RTL4: variants seen among roughly 807,000 people sequenced by gnomAD.
The protein encoded by RTL4 is retrotransposon Gag-like protein 4.
A neutral mutation model predicts 5.3 loss-of-function variants in RTL4; 4 were observed. The ratio of observed to expected loss-of-function variants is 0.75; its 90% CI spans 0.37 to 1.72. The LOEUF is 1.72. Among genes scored for constraint, RTL4 ranks in the 40% most tolerant of loss-of-function variants. RTL4 has a pLI of 0.04. For synonymous variants in RTL4, 98 were observed against 87.3 expected (o/e 1.12, Z -0.68); for missense variants, 260 against 227.1 (o/e 1.14, Z -0.93).
chrX:112,257,517 A>C, the RTL4 span, among the ~76,000 whole-genome samples: 1 of 111,148 alleles, frequency 9.0e-6, no homozygotes, highest in Non-Finnish European at 1.9e-5. Context: ...GTAATTTATA[A>C]ATGACAGAAA....
chrX:112,147,731 G>A, the RTL4 span, among the ~76,000 whole-genome samples: 4 of 112,056 alleles, frequency 3.6e-5, no homozygotes, highest in East Asian at 2.8e-4. Flanking sequence ...TTGACGTCAC[G>A]AGTTCAAGAC....
chrX:112,244,638 C>G, the RTL4 span, among the ~76,000 whole-genome samples: 2 of 111,763 alleles, frequency 1.8e-5, no homozygotes, highest in Non-Finnish European at 3.8e-5. Context: ...TGGGTCTTGA[C>G]TCTTTATCCA....
chrX:112,373,101 C>T, the RTL4 span, among the ~76,000 whole-genome samples: 23,124 of 110,768 alleles, frequency 0.21, 1,853 homozygotes, highest in Admixed American at 0.32. Context: ...CTCTCAACAA[C>T]GGACATTCTT....
At chrX:112,120,206 C>T in the RTL4 span, among the ~76,000 whole-genome samples, 18,933 of 111,741 alleles carry the variant, frequency 0.17, 2,457 homozygotes, top group African/African-American at 0.45. Context: ...GAAATAGTTT[C>T]AGGTGGAAAA....
At chrX:112,455,663 A>G in exon 1 of RTL4, 1 of 1,190,222 alleles carries the variant, frequency 8.4e-7, no homozygotes, top group Non-Finnish European at 1.1e-6. Context: ...CACCAGTAAG[A>G]GGAGACCAGG....
the RTL4 span, among the ~76,000 whole-genome samples, chrX:112,130,788 T>TG: frequency 1.0e-5 from 1 of 98,344 alleles, no homozygotes. Flanking sequence ...CTTATGGGTG[T>TG]GGGTTTTTTT....
chrX:112,309,237 C>A, the RTL4 span, among the ~76,000 whole-genome samples: 2 of 110,867 alleles, frequency 1.8e-5, no homozygotes, highest in Non-Finnish European at 3.8e-5. Context: ...GGTCTTTCTT[C>A]TTAGCTTGCA....
the RTL4 span, among the ~76,000 whole-genome samples, chrX:112,177,038 T>C: frequency 1.8e-5 from 2 of 110,941 alleles, no homozygotes; most frequent in African/African-American, 6.6e-5. Context: ...ACTGTTTATA[T>C]ATACTATGGT....
At chrX:112,321,583 C>A in the RTL4 span, among the ~76,000 whole-genome samples, 7 of 99,849 alleles carry the variant, frequency 7.0e-5, no homozygotes, top group African/African-American at 2.7e-4. Flanking sequence ...AGAAGAAAGA[C>A]AGACAGACAG....
the RTL4 span, among the ~76,000 whole-genome samples, chrX:112,396,709 A>G: frequency 9.1e-6 from 1 of 110,292 alleles, no homozygotes; most frequent in South Asian, 3.9e-4. Context: ...AAGTTCATAC[A>G]TTTTTTTCAG....
the RTL4 span, among the ~76,000 whole-genome samples, chrX:112,343,461 A>G: frequency 3.6e-5 from 4 of 112,118 alleles, no homozygotes; most frequent in Non-Finnish European, 7.5e-5. Flanking sequence ...TATGTTCTGT[A>G]GCACGCCAGC....
At chrX:112,345,353 G>T in the RTL4 span, among the ~76,000 whole-genome samples, 1 of 111,423 alleles carries the variant, frequency 9.0e-6, no homozygotes, top group Middle Eastern at 4.6e-3. Context: ...ACCCTTAGTT[G>T]CCTTCACTAA....
At chrX:112,397,069 A>G in the RTL4 span, among the ~76,000 whole-genome samples, 3 of 111,790 alleles carry the variant, frequency 2.7e-5, no homozygotes, top group African/African-American at 9.8e-5. Flanking sequence ...CATTTTTCAT[A>G]CTATTGTCTT....
chrX:112,363,340 A>G, the RTL4 span, among the ~76,000 whole-genome samples: 1 of 111,306 alleles, frequency 9.0e-6, no homozygotes, highest in Middle Eastern at 4.6e-3. Context: ...GGAAAGTGCT[A>G]TCTGCATTGA....
chrX:112,183,004 A>T, the RTL4 span, among the ~76,000 whole-genome samples: 1 of 112,272 alleles, frequency 8.9e-6, no homozygotes, highest in African/African-American at 3.2e-5. Context: ...CTGGGAGCCA[A>T]TATTCCACAT....
chrX:112,402,332 A>G, the RTL4 span, among the ~76,000 whole-genome samples: 5 of 110,331 alleles, frequency 4.5e-5, no homozygotes, highest in Non-Finnish European at 9.5e-5. Context: ...GTGTTTATCA[A>G]TAAATCCTCA....
chrX:112,325,282 A>T, the RTL4 span, among the ~76,000 whole-genome samples: 1 of 111,985 alleles, frequency 8.9e-6, no homozygotes, highest in African/African-American at 3.2e-5. Flanking sequence ...CATTCTTCAT[A>T]GAATTGGAAA....
At chrX:112,415,925 C>A in the RTL4 span, among the ~76,000 whole-genome samples, 2 of 111,457 alleles carry the variant, frequency 1.8e-5, no homozygotes, top group South Asian at 7.5e-4. Context: ...ACCATGGTAA[C>A]AAAGCACAAC....
At chrX:112,143,273 TA>T in the RTL4 span, among the ~76,000 whole-genome samples, 6 of 111,344 alleles carry the variant, frequency 5.4e-5, no homozygotes, top group African/African-American at 2.0e-4. Context: ...TTTGAGGTAT[TA>T]AAAAAACACT....
Sources: gnomAD v4.1 joint callset for allele counts (sites outside exome capture counted in the v4.1 genomes callset) on GRCh38, gnomAD v4.1.1 for gene constraint, MANE v1.5 for transcripts, NCBI Gene and HGNC (gene_info 2026-07-23, HGNC 2026-07-21) for gene names.